The following MCMBP variants were observed in gnomAD, a reference collection of about 807,000 sequenced individuals.
The protein encoded by MCMBP is minichromosome maintenance complex binding protein.
Under a neutral mutation model 81.3 loss-of-function variants are expected in MCMBP, and 31 were observed. The ratio of observed to expected loss-of-function variants is 0.38; its 90% CI spans 0.29 to 0.51. MCMBP has a LOEUF of 0.51. Ranked by LOEUF, MCMBP falls within the 20% of genes least tolerant of loss-of-function variation. MCMBP has a pLI of 0.87. For synonymous variants in MCMBP, 267 were observed against 275.9 expected (o/e 0.97, Z 0.32); for missense variants, 645 against 772.1 (o/e 0.84, Z 1.95).
chr10:119,846,718 A>G (rs78967065), intron 8 of MCMBP, among the ~76,000 whole-genome samples: 2 of 152,182 alleles, frequency 1.3e-5, no homozygotes, highest in East Asian at 3.8e-4. Flanking sequence ...GAGTCTAACC[A>G]TGAGGAAACA....
chr10:119,836,757 GTTTTTTTTTTTTTT>G (rs199759464), intron 13 of MCMBP, 125 bp downstream of exon 13: 5,831 of 296,170 alleles, frequency 0.02, 216 homozygotes, highest in African/African-American at 0.056. Context: ...AGCAGTCACA[GTTTTTTTTTTTTTT>G]TTTTTTTTTT....
chr10:119,862,377 T>C (rs1455667704), intron 1 of MCMBP, among the ~76,000 whole-genome samples: 2 of 152,278 alleles, frequency 1.3e-5, no homozygotes, highest in South Asian at 2.1e-4. Context: ...CCAGACTCCA[T>C]GTGTGTCCTT....
At chr10:119,868,884 G>T (rs1336250803) in intron 1 of MCMBP, among the ~76,000 whole-genome samples, 1 of 152,162 alleles carries the variant, frequency 6.6e-6, no homozygotes, top group African/African-American at 2.4e-5. Flanking sequence ...ACTGAAAAAA[G>T]GTTCAGTGCG....
chr10:119,854,667 T>A (rs946276777), intron 5 of MCMBP, among the ~76,000 whole-genome samples: 5 of 151,608 alleles, frequency 3.3e-5, no homozygotes, highest in Admixed American at 2.0e-4. Flanking sequence ...AAAAAAAAAA[T>A]AATTGCTGGC....
In MCMBP at chr10:119,842,532, T is replaced by C. The variant is rs774400710; in HGVS notation, c.1064A>G (p.His355Arg). 1 of 1,613,814 alleles carries C rather than the reference T, an allele frequency of 6.2e-7. No homozygotes were observed. The highest frequency in any genetic ancestry group is 1.3e-5 in the African/African-American group (1 of 74,902). ...VRAELLGFLT[H>R]ALLGDSLAAE... Reference sequence around the variant, plus strand: ...AGCCAAACTATCCCCCAGAAGGGCATGAGTAAGGAACCCAAGAAGTTCTGC... The same window carrying C: ...AGCCAAACTATCCCCCAGAAGGGCACGAGTAAGGAACCCAAGAAGTTCTGC... Residue 355 changes from histidine to arginine, a missense_variant, in exon 10 of 16, where the codon CAT (histidine) becomes CGT (arginine). By Grantham distance (29) the His-to-Arg change is conservative. Coordinates refer to ENST00000369077, the MANE Select transcript of MCMBP (RefSeq NM_001256378.2).
At chr10:119,846,730 G>C (rs1852631693) in intron 8 of MCMBP, among the ~76,000 whole-genome samples, 1 of 152,108 alleles carries the variant, frequency 6.6e-6, no homozygotes, top group Non-Finnish European at 1.5e-5. Context: ...GAGGAAACAA[G>C]TAACTGGTAA....
intron 1 of MCMBP, among the ~76,000 whole-genome samples, chr10:119,867,421 C>T (rs1853510313): frequency 2.0e-5 from 3 of 151,342 alleles, no homozygotes; most frequent in African/African-American, 7.3e-5. Flanking sequence ...CTTAAAAACT[C>T]CTACGTATGC....
At chr10:119,870,341 G>C (rs533042282) in intron 1 of MCMBP, among the ~76,000 whole-genome samples, 1 of 152,094 alleles carries the variant, frequency 6.6e-6, no homozygotes, top group Non-Finnish European at 1.5e-5. Flanking sequence ...CAGCTACTCC[G>C]GAGGCTGGGG....
intron 1 of MCMBP, among the ~76,000 whole-genome samples, chr10:119,872,050 G>A (rs911646294): frequency 3.3e-5 from 5 of 152,178 alleles, no homozygotes; most frequent in Non-Finnish European, 5.9e-5. Flanking sequence ...ACAGGAGTTA[G>A]AACCAACTTC....
chr10:119,864,910 T>C (rs1161602912), intron 1 of MCMBP, among the ~76,000 whole-genome samples: 1 of 152,276 alleles, frequency 6.6e-6, no homozygotes, highest in East Asian at 1.9e-4. Flanking sequence ...TCTTCTTATA[T>C]ATAAAGTTTA....
upstream of MCMBP, among the ~76,000 whole-genome samples, chr10:119,873,035 C>T (rs940967209): frequency 7.8e-4 from 119 of 151,968 alleles, no homozygotes; most frequent in Non-Finnish European, 1.1e-3. Flanking sequence ...GCGCGGGGCC[C>T]GGCGACGCGC....
In MCMBP at chr10:119,869,400, T is replaced by A. The variant is rs546280994; in HGVS notation, c.58+3127A>T. On this transcript the variant is annotated intron_variant, in intron 1 of 15. Transcript: ENST00000369077. The stretch of plus-strand genomic sequence containing the variant: ...CAGCCTGGCCAACATGGTGAAACCC[T>A]GTCTTTACTAAAAATACAAAAATTA... Among the ~76,000 whole-genome samples the A allele has an allele frequency of 1.1e-4, 17 of 152,272 alleles. No homozygotes were observed. The South Asian group carries it at 3.3e-3, about 30-fold the overall frequency.
intron 1 of MCMBP, among the ~76,000 whole-genome samples, chr10:119,872,087 C>G (rs1853696675): frequency 6.6e-6 from 1 of 152,194 alleles, no homozygotes; most frequent in Non-Finnish European, 1.5e-5. Context: ...CCCCGACGCA[C>G]CGGAAGTTTT....
intron 1 of MCMBP, among the ~76,000 whole-genome samples, chr10:119,870,801 T>C (rs1853644683): frequency 1.3e-5 from 2 of 152,296 alleles, no homozygotes; most frequent in South Asian, 2.1e-4. Context: ...GAACACATTA[T>C]GACTTTTCTA....
chr10:119,847,594 AAAG>A lies in MCMBP; in HGVS notation c.827+16_827+18del. The A allele has an allele frequency of 6.7e-7, 1 of 1,488,714 alleles. No individual in the cohort carries two copies. Among genetic ancestry groups the A allele is most frequent in the Non-Finnish European group, 9.2e-7 (1 of 1,086,208 alleles). 92.2% of individuals were successfully genotyped at this position (1,488,714 alleles called of 1,614,324 possible). A position where few individuals can be genotyped will look rare whatever the true frequency, so the allele number is the denominator to read the frequency against. ...TATATAAAAATAAAGGAGACCAAAA[AAAG>A]AGCACACAGACTCACCTTTCATCAT... On this transcript the variant is annotated intron_variant, in intron 8 of 15. Coordinates refer to ENST00000369077, the MANE Select transcript of MCMBP (RefSeq NM_001256378.2).
intron 13 of MCMBP, 146 bp from the exon 14 acceptor site, chr10:119,835,850 T>G (rs1852221852): frequency 4.4e-6 from 4 of 907,418 alleles, no homozygotes; most frequent in East Asian, 2.7e-5. Flanking sequence ...TTTTTTTTTC[T>G]GTGTGTGAGA....
intron 14 of MCMBP, among the ~76,000 whole-genome samples, chr10:119,834,081 C>CT (rs1310080554): frequency 6.6e-6 from 1 of 152,056 alleles, no homozygotes; most frequent in Admixed American, 6.5e-5. Context: ...TGAACAGAGC[C>CT]TTGAAGACCT....
intron 5 of MCMBP, among the ~76,000 whole-genome samples, chr10:119,857,097 CAAAAAAAAAA>C (rs34331152): frequency 4.1e-4 from 34 of 82,472 alleles, no homozygotes; most frequent in Middle Eastern, 0.012. Context: ...GTCCCTATCT[CAAAAAAAAAA>C]AAAAAAAAAA....
Position 119,842,461 on chromosome 10 carries a change from A to G in MCMBP, c.1124+11T>C. 1.2e-6 allele frequency: 2 copies of G among 1,607,668 alleles called. No individual in the cohort carries two copies. The highest frequency in any genetic ancestry group is 1.7e-6 in the Non-Finnish European group (2 of 1,177,666). ...AAACTCCCCTAATTCCCACCAGGAT[A>G]CAGCACTTACACTGTGGAGATGAGA... On this transcript the variant is annotated intron_variant, in intron 10 of 15. Coordinates refer to ENST00000369077, the MANE Select transcript of MCMBP (RefSeq NM_001256378.2).
Sources: allele counts gnomAD v4.1 joint callset (sites outside exome capture counted in the v4.1 genomes callset), GRCh38; gene constraint gnomAD v4.1.1; transcripts MANE v1.5; gene names NCBI Gene and HGNC (gene_info 2026-07-23, HGNC 2026-07-21).